CSMD1: variants seen among roughly 807,000 people sequenced by gnomAD.
CSMD1 encodes CUB and Sushi multiple domains 1.
A neutral mutation model predicts 417.5 loss-of-function variants in CSMD1; 213 were observed. That is an observed-to-expected ratio of 0.51 (90% confidence interval 0.46 to 0.57). CSMD1 has a LOEUF of 0.57. Among genes scored for constraint, CSMD1 ranks in the 20% least tolerant of loss-of-function variants. CSMD1 has a pLI of 0.00. For missense variants in CSMD1, 6,923 were observed against 4,529.7 expected, an observed-to-expected ratio of 1.53 and a Z score of -15.17; for synonymous variants, 2,862 against 1,736.8, an observed-to-expected ratio of 1.65 and a Z score of -16.11.
At chr8:4,821,964 A>T (rs1799549399) in intron 1 of CSMD1, among the ~76,000 whole-genome samples, 1 of 152,018 alleles carries the variant, frequency 6.6e-6, no homozygotes, top group African/African-American at 2.4e-5. Flanking sequence ...AGCTTCTCAG[A>T]GAATACTACG....
At chr8:4,701,437 G>A (rs1807541492) in intron 1 of CSMD1, among the ~76,000 whole-genome samples, 1 of 151,820 alleles carries the variant, frequency 6.6e-6, no homozygotes. Flanking sequence ...CACAGCTGGA[G>A]AGTCTGATGG....
At chr8:4,932,124 A>C (rs142934763) in intron 1 of CSMD1, among the ~76,000 whole-genome samples, 1 of 152,250 alleles carries the variant, frequency 6.6e-6, no homozygotes, top group Admixed American at 6.5e-5. Flanking sequence ...TCAATGTTTA[A>C]TCACATTTCT....
chr8:4,780,686 C>T (rs1001694395), intron 1 of CSMD1, among the ~76,000 whole-genome samples: 1 of 152,142 alleles, frequency 6.6e-6, no homozygotes, highest in Non-Finnish European at 1.5e-5. Flanking sequence ...GTATACACTG[C>T]ACCATGTATG....
At position 3,705,072 on chromosome 8, in the gene CSMD1, T is replaced by C. The variant is rs577301691; in HGVS notation, c.1009+3342A>G. On this transcript the variant is annotated intron_variant, in intron 7 of 69. Coordinates refer to ENST00000635120, the MANE Select transcript of CSMD1 (RefSeq NM_033225.6). ...GGTCCCACCAGGAAACAGATGTCATTTGGAGAAGAAGCCAGTCAGGCAAGG... is the reference window on the plus strand; with the variant it reads ...GGTCCCACCAGGAAACAGATGTCATCTGGAGAAGAAGCCAGTCAGGCAAGG... Among the ~76,000 whole-genome samples, 10 of 152,256 alleles carry C rather than the reference T, an allele frequency of 6.6e-5. No homozygotes were observed. The East Asian group carries it at 1.2e-3, about 18-fold the overall frequency.
chr8:3,257,350 C>A (rs545493274), intron 26 of CSMD1, among the ~76,000 whole-genome samples: 21 of 152,338 alleles, frequency 1.4e-4, no homozygotes, highest in Admixed American at 1.4e-3. Flanking sequence ...CTTCTGAGTG[C>A]CTACTGCATG....
intron 3 of CSMD1, among the ~76,000 whole-genome samples, chr8:4,178,440 A>T (rs1798177269): frequency 6.6e-6 from 1 of 151,406 alleles, no homozygotes; most frequent in Admixed American, 6.6e-5. Flanking sequence ...TCAAAATAAT[A>T]AGAGCTATCT....
intron 25 of CSMD1, among the ~76,000 whole-genome samples, chr8:3,304,662 A>C (rs2117364265): frequency 6.6e-6 from 1 of 152,226 alleles, no homozygotes; most frequent in Middle Eastern, 3.4e-3. Context: ...TATACGAAGA[A>C]AATTTTTCAA....
At chr8:4,494,040 C>T (rs558740023) in intron 2 of CSMD1, among the ~76,000 whole-genome samples, 71 of 152,154 alleles carry the variant, frequency 4.7e-4, no homozygotes, top group Non-Finnish European at 8.8e-4. Context: ...GGGGAAGGAA[C>T]ATGAATGGTA....
At chr8:3,044,666 G>A (rs1323346869) in intron 50 of CSMD1, among the ~76,000 whole-genome samples, 1 of 151,152 alleles carries the variant, frequency 6.6e-6, no homozygotes, top group African/African-American at 2.4e-5. Context: ...CATCTGCCTC[G>A]GAGATCTGCA....
chr8:4,676,701 C>T (rs1426349981), intron 1 of CSMD1, among the ~76,000 whole-genome samples: 9 of 152,066 alleles, frequency 5.9e-5, no homozygotes, highest in South Asian at 2.1e-4. Context: ...ATCAATGTCA[C>T]GTCATAGTTT....
chr8:3,315,616 G>A (rs1805699328), intron 23 of CSMD1, among the ~76,000 whole-genome samples: 2 of 148,326 alleles, frequency 1.3e-5, no homozygotes, highest in Admixed American at 6.7e-5. Context: ...GTAATCCTAT[G>A]AGCAGCCCCA....
chr8:4,708,812 T>A (rs879434970), intron 1 of CSMD1, among the ~76,000 whole-genome samples: 6 of 152,146 alleles, frequency 3.9e-5, no homozygotes, highest in Non-Finnish European at 8.8e-5. Context: ...TAAATTAAAA[T>A]GAGGTCATTA....
intron 3 of CSMD1, among the ~76,000 whole-genome samples, chr8:4,122,671 C>A (rs940335011): frequency 6.6e-6 from 1 of 152,146 alleles, no homozygotes; most frequent in Non-Finnish European, 1.5e-5. Context: ...GAAGGGCAGA[C>A]CCTCAGGGGC....
chr8:4,574,935 A>T (rs2617011), intron 2 of CSMD1, among the ~76,000 whole-genome samples: 1 of 151,638 alleles, frequency 6.6e-6, no homozygotes, highest in South Asian at 2.1e-4. Context: ...AATATCTTTT[A>T]GATCAAGAAC....
In CSMD1 at chr8:3,840,247, A is replaced by T. The variant is rs921721994; in HGVS notation, c.819-86205T>A. 2.0e-5 allele frequency among the ~76,000 whole-genome samples: 3 copies of T among 152,194 alleles called. No homozygotes were observed. In the South Asian group the frequency reaches 6.2e-4, roughly 31 times the overall value. On this transcript the variant is annotated intron_variant, in intron 5 of 69. Coordinates refer to ENST00000635120, the MANE Select transcript of CSMD1 (RefSeq NM_033225.6). ...TTTGAAAAAAAAAGAGACAGCATAAATTAGCCAAATGGTGAAACAGATGTT... is the reference window on the plus strand; with the variant it reads ...TTTGAAAAAAAAAGAGACAGCATAATTTAGCCAAATGGTGAAACAGATGTT...
At chr8:3,463,265 C>T (rs576701412) in intron 12 of CSMD1, among the ~76,000 whole-genome samples, 1 of 152,334 alleles carries the variant, frequency 6.6e-6, no homozygotes, top group South Asian at 2.1e-4. Context: ...CTCCCAATAC[C>T]TCCTGCTACA....
chr8:3,360,100 T>C (rs1809058395), intron 20 of CSMD1, among the ~76,000 whole-genome samples: 1 of 152,196 alleles, frequency 6.6e-6, no homozygotes, highest in South Asian at 2.1e-4. Flanking sequence ...AGAGCCAATT[T>C]TGCCTCTAGA....
intron 3 of CSMD1, among the ~76,000 whole-genome samples, chr8:4,179,107 C>A (rs557486081): frequency 1.3e-5 from 2 of 152,202 alleles, no homozygotes; most frequent in South Asian, 4.1e-4. Flanking sequence ...CAAAAAAGAG[C>A]CCGCATCGCC....
At chr8:4,300,252 A>C (rs1366747394) in intron 3 of CSMD1, among the ~76,000 whole-genome samples, 1 of 152,232 alleles carries the variant, frequency 6.6e-6, no homozygotes, top group Non-Finnish European at 1.5e-5. Context: ...GTAAACACAG[A>C]GCTTTCTGCA....
Sources: gnomAD v4.1 joint callset for allele counts (sites outside exome capture counted in the v4.1 genomes callset) on GRCh38, gnomAD v4.1.1 for gene constraint, MANE v1.5 for transcripts, NCBI Gene and HGNC (gene_info 2026-07-23, HGNC 2026-07-21) for gene names.